Variants in FLI1 observed in about 807,000 individuals in gnomAD.
The protein encoded by FLI1 is Fli-1 proto-oncogene, ETS transcription factor.
A neutral mutation model predicts 53.1 loss-of-function variants in FLI1; 13 were observed. The observed-to-expected ratio is 0.24, with a 90% CI of 0.16 to 0.39. The LOEUF is 0.39. FLI1 is among the 10% of genes least tolerant of loss of function. FLI1 has a pLI of 1.00. For synonymous variants in FLI1, 244 were observed against 236.7 expected, an observed-to-expected ratio of 1.03 and a Z score of -0.28; for missense variants, 424 against 600.5, an observed-to-expected ratio of 0.71 and a Z score of 3.07.
chr11:128,734,487 C>T (rs1853000432), intron 1 of FLI1, among the ~76,000 whole-genome samples: 1 of 152,194 alleles, frequency 6.6e-6, no homozygotes, highest in African/African-American at 2.4e-5. Context: ...TGGCTGAAAC[C>T]ACGGTGGGAG....
At chr11:128,694,551 A>T (rs917657208) in intron 1 of FLI1, among the ~76,000 whole-genome samples, 1 of 135,582 alleles carries the variant, frequency 7.4e-6, no homozygotes, top group Non-Finnish European at 1.6e-5. Context: ...CCGGGGCTGC[A>T]GGAGGGGACG....
upstream of FLI1, among the ~76,000 whole-genome samples, chr11:128,689,543 G>A (rs1937655879): frequency 6.6e-6 from 1 of 152,196 alleles, no homozygotes; most frequent in African/African-American, 2.4e-5. Context: ...TGTTCACAGT[G>A]ACCCACCCCT....
intron 5 of FLI1, among the ~76,000 whole-genome samples, chr11:128,784,203 A>C (rs1942011673): frequency 6.7e-6 from 1 of 148,748 alleles, no homozygotes; most frequent in South Asian, 2.1e-4. Flanking sequence ...AGCCAAGTTG[A>C]AATGTGTTGC....
chr11:128,811,012 T>C lies in FLI1; in HGVS notation c.*24T>C, dbSNP rs376209645. On this transcript the variant is annotated 3_prime_UTR_variant, in exon 9 of 9. Transcript: ENST00000527786. ...AGAAGCTTACTCATCAGTGGCCTTC[T>C]AGCTGAAGCCCATCCTGCACACTTA... is the stretch of plus-strand genomic sequence containing the variant. 3.3e-5 allele frequency: 53 copies of C among 1,612,192 alleles called. 1 individual carries two copies. The South Asian group carries it at 4.1e-4, about 12-fold the overall frequency.
At chr11:128,809,103 G>T (rs1031136279) in intron 7 of FLI1, 54 bp from the exon 8 acceptor site, 1 of 1,401,958 alleles carries the variant, frequency 7.1e-7, no homozygotes, top group South Asian at 1.2e-5. Context: ...TGGTTGGTAC[G>T]GTTGTCATAT....
chr11:128,744,516 A>G (rs113161545), intron 1 of FLI1, among the ~76,000 whole-genome samples: 2,640 of 152,348 alleles, frequency 0.017, 32 homozygotes, highest in Non-Finnish European at 0.029. Context: ...AAGGAAACTG[A>G]GGCATGGAGA....
intron 6 of FLI1, chr11:128,806,185 G>A (rs1000595954): frequency 6.6e-6 from 1 of 151,856 alleles, no homozygotes; most frequent in Non-Finnish European, 1.5e-5. Context: ...TTCCAATTAT[G>A]TGTATTAATT....
chr11:128,703,701 G>A (rs1165986744), intron 1 of FLI1, among the ~76,000 whole-genome samples: 4 of 152,004 alleles, frequency 2.6e-5, no homozygotes, highest in African/African-American at 9.7e-5. Context: ...AAATTAGCTG[G>A]GTGTGGTGGT....
At chr11:128,727,431 G>A (rs968484247) in intron 1 of FLI1, among the ~76,000 whole-genome samples, 2 of 152,204 alleles carry the variant, frequency 1.3e-5, no homozygotes, top group African/African-American at 4.8e-5. Context: ...TAAGGAGTTG[G>A]GTGGTCTAGA....
intron 2 of FLI1, among the ~76,000 whole-genome samples, chr11:128,766,736 G>A (rs1285983993): frequency 6.6e-6 from 1 of 151,802 alleles, no homozygotes; most frequent in Non-Finnish European, 1.5e-5. Context: ...AGGCCTCGCT[G>A]TGGTCCGTTC....
At chr11:128,803,092 G>C (rs1278939853) in intron 5 of FLI1, among the ~76,000 whole-genome samples, 1 of 151,902 alleles carries the variant, frequency 6.6e-6, no homozygotes, top group African/African-American at 2.4e-5. Flanking sequence ...CAGTAAGTCA[G>C]AAGTCAAGTC....
At chr11:128,704,094 T>C (rs910624418) in intron 1 of FLI1, among the ~76,000 whole-genome samples, 2 of 152,186 alleles carry the variant, frequency 1.3e-5, no homozygotes, top group African/African-American at 4.8e-5. Flanking sequence ...ATGTTAAAGG[T>C]CTTCTCATAT....
chr11:128,778,654 T>A (rs1342826604), intron 4 of FLI1, among the ~76,000 whole-genome samples: 1 of 152,196 alleles, frequency 6.6e-6, no homozygotes, highest in African/African-American at 2.4e-5. Flanking sequence ...ATGGAAAGCG[T>A]CTGGCACACC....
chr11:128,757,080 CTTT>C (rs1565484342), intron 1 of FLI1, among the ~76,000 whole-genome samples: 5 of 146,138 alleles, frequency 3.4e-5, no homozygotes, highest in African/African-American at 1.3e-4. Flanking sequence ...TTCTTTCTTT[CTTT>C]CTTTCTTTCT....
intron 1 of FLI1, among the ~76,000 whole-genome samples, chr11:128,704,440 G>A (rs997819038): frequency 2.6e-5 from 4 of 152,084 alleles, no homozygotes; most frequent in Non-Finnish European, 4.4e-5. Context: ...CCACTCTGGG[G>A]TCTTAGATTC....
In FLI1 at chr11:128,785,595, T is replaced by C. The variant is rs575805944; in HGVS notation, c.655+3572T>C. Among the ~76,000 whole-genome samples, 64 of 152,334 alleles carry C rather than the reference T, an allele frequency of 4.2e-4. 2 individuals carry two copies. The South Asian group carries it at 0.012, about 30-fold the overall frequency. Reference sequence around the variant, plus strand: ...GATGTGAATGTTTTGCATTACTTGATTTCTGTCCATGCAGTTTTCCCACTG... The same window carrying C: ...GATGTGAATGTTTTGCATTACTTGACTTCTGTCCATGCAGTTTTCCCACTG... On this transcript the variant is annotated intron_variant, in intron 5 of 8. Transcript: ENST00000527786.
At chr11:128,771,030 G>A (rs1458204083) in intron 3 of FLI1, among the ~76,000 whole-genome samples, 1 of 152,212 alleles carries the variant, frequency 6.6e-6, no homozygotes, top group African/African-American at 2.4e-5. Context: ...GTCCTATAAT[G>A]GTTTCTATTG....
intron 1 of FLI1, among the ~76,000 whole-genome samples, chr11:128,757,540 A>G (rs1220393051): frequency 6.6e-6 from 1 of 152,124 alleles, no homozygotes; most frequent in African/African-American, 2.4e-5. Flanking sequence ...TGCTAAAACT[A>G]TTTTTATCCC....
rs11603247 is a variant in FLI1 at position 128,688,383 on chromosome 11, G to C, written c.-203+1682G>C. On this transcript the variant is annotated intron_variant, in intron 1 of 6. Transcript: ENST00000344954. ...TTTCAGCAGCCACAAAGTTTGTATT[G>C]TTGCACAAAGGGGTGCATTGATGGC... 4.7e-3 allele frequency among the ~76,000 whole-genome samples: 719 copies of C among 152,344 alleles called. 5 individuals are homozygous for C. The highest frequency in any genetic ancestry group is 8.3e-3 in the Non-Finnish European group (565 of 68,034).
Sources: allele counts gnomAD v4.1 joint callset (sites outside exome capture counted in the v4.1 genomes callset), GRCh38; gene constraint gnomAD v4.1.1; transcripts MANE v1.5; gene names NCBI Gene and HGNC (gene_info 2026-07-23, HGNC 2026-07-21).